NXPH2: variants seen among roughly 807,000 people sequenced by gnomAD.
NXPH2 encodes neurexophilin-2.
A neutral mutation model predicts 19.8 loss-of-function variants in NXPH2; 5 were observed. The ratio of observed to expected loss-of-function variants is 0.25; its 90% confidence interval spans 0.13 to 0.53. The LOEUF is 0.53. Ranked by LOEUF, NXPH2 falls within the 20% of genes least tolerant of loss-of-function variation. NXPH2 has a pLI of 0.96. For missense variants in NXPH2, 289 were observed against 322.8 expected (o/e 0.90, Z 0.80); for synonymous variants, 154 against 127.4 (o/e 1.21, Z -1.41).
intron 1 of NXPH2, 70 bp downstream of exon 1, chr2:138,780,121 G>C (rs2104848714): frequency 7.1e-7 from 1 of 1,417,486 alleles, no homozygotes; most frequent in Middle Eastern, 1.8e-4. Flanking sequence ...CTCCAAGTCA[G>C]CCGCCTGCGC....
chr2:138,694,603 G>A (rs1426257170), intron 1 of NXPH2, among the ~76,000 whole-genome samples: 1 of 152,108 alleles, frequency 6.6e-6, no homozygotes, highest in Non-Finnish European at 1.5e-5. Flanking sequence ...CCAACACCTG[G>A]ATTTCAAACT....
chr2:138,765,854 T>A (rs1682081042), intron 1 of NXPH2, among the ~76,000 whole-genome samples: 2 of 152,240 alleles, frequency 1.3e-5, no homozygotes, highest in Admixed American at 1.3e-4. Context: ...ACGTTTTTAT[T>A]AACCAACCAA....
At chr2:138,779,058 T>G (rs186272151) in intron 1 of NXPH2, among the ~76,000 whole-genome samples, 196 of 152,268 alleles carry the variant, frequency 1.3e-3, no homozygotes, top group Non-Finnish European at 2.1e-3. Flanking sequence ...TCATAAACTT[T>G]CAAAGTTACT....
At chr2:138,779,327 A>G (rs1682312925) in intron 1 of NXPH2, among the ~76,000 whole-genome samples, 1 of 152,194 alleles carries the variant, frequency 6.6e-6, no homozygotes, top group South Asian at 2.1e-4. Flanking sequence ...TTTCTTCTTG[A>G]AGATCTTACT....
intron 1 of NXPH2, among the ~76,000 whole-genome samples, chr2:138,777,641 T>C (rs1227601905): frequency 1.3e-5 from 2 of 151,890 alleles, no homozygotes; most frequent in Non-Finnish European, 2.9e-5. Flanking sequence ...CTCAATTCCC[T>C]GTGACTGCTT....
At chr2:138,688,586 A>G (rs145144474) in intron 1 of NXPH2, among the ~76,000 whole-genome samples, 2 of 152,220 alleles carry the variant, frequency 1.3e-5, no homozygotes, top group Non-Finnish European at 2.9e-5. Context: ...CTTTTGTAGA[A>G]TTCCATTATA....
intron 1 of NXPH2, among the ~76,000 whole-genome samples, chr2:138,721,340 A>G (rs1345881885): frequency 6.9e-6 from 1 of 145,648 alleles, no homozygotes; most frequent in Non-Finnish European, 1.5e-5. Context: ...ACTCCGTCTG[A>G]AAAAAAAAAA....
At chr2:138,676,921 C>T (rs1428292142) in intron 1 of NXPH2, among the ~76,000 whole-genome samples, 1 of 152,186 alleles carries the variant, frequency 6.6e-6, no homozygotes, top group Non-Finnish European at 1.5e-5. Flanking sequence ...TGAGTCACAT[C>T]CAAATCCCAG....
intron 1 of NXPH2, among the ~76,000 whole-genome samples, chr2:138,732,973 C>T (rs1274776500): frequency 6.6e-6 from 1 of 152,184 alleles, no homozygotes; most frequent in Non-Finnish European, 1.5e-5. Flanking sequence ...ATATATTTCC[C>T]TCATTTTCAT....
At chr2:138,705,863 C>T (rs1681001139) in intron 1 of NXPH2, among the ~76,000 whole-genome samples, 2 of 152,166 alleles carry the variant, frequency 1.3e-5, no homozygotes, top group African/African-American at 4.8e-5. Context: ...CCTCTTCGGA[C>T]CAAATGCCTC....
In NXPH2 at chr2:138,678,611, A is replaced by C. The variant is rs191339568; in HGVS notation, c.52-6946T>G. Among the ~76,000 whole-genome samples the C allele has an allele frequency of 4.0e-3, 602 of 152,224 alleles. 2 individuals are homozygous for C. Among genetic ancestry groups the C allele is most frequent in the Non-Finnish European group, 7.7e-3 (525 of 68,020 alleles). On this transcript the variant is annotated intron_variant, in intron 1 of 1. Transcript: ENST00000272641. ...CAGACTATTTCTAAATTATCCTGGC[A>C]ATTTTACATGTTGTTAATGTGTCTG...
intron 1 of NXPH2, among the ~76,000 whole-genome samples, chr2:138,723,160 A>G (rs1399559520): frequency 1.3e-5 from 2 of 151,600 alleles, no homozygotes; most frequent in East Asian, 2.0e-4. Context: ...ACACAAACAG[A>G]CAAGCAAGCA....
intron 1 of NXPH2, among the ~76,000 whole-genome samples, chr2:138,764,556 A>T (rs1573982659): frequency 1.3e-5 from 2 of 152,354 alleles, no homozygotes; most frequent in East Asian, 3.9e-4. Flanking sequence ...TAGGACAGCA[A>T]TGGTGAAACA....
intron 1 of NXPH2, among the ~76,000 whole-genome samples, chr2:138,691,018 T>C (rs1680737425): frequency 6.6e-6 from 1 of 151,136 alleles, no homozygotes; most frequent in African/African-American, 2.4e-5. Flanking sequence ...AAGGGAAGAG[T>C]GTTGTGGGCA....
intron 1 of NXPH2, among the ~76,000 whole-genome samples, chr2:138,744,928 A>G (rs796416367): frequency 1.3e-5 from 2 of 152,220 alleles, no homozygotes; most frequent in Admixed American, 6.5e-5. Flanking sequence ...TGGAGAGTGC[A>G]GGACTCTTAG....
At chr2:138,777,283 A>G (rs959501763) in intron 1 of NXPH2, among the ~76,000 whole-genome samples, 23 of 152,142 alleles carry the variant, frequency 1.5e-4, no homozygotes, top group African/African-American at 5.1e-4. Flanking sequence ...AAAAGATATA[A>G]CATGCTCTTA....
intron 1 of NXPH2, among the ~76,000 whole-genome samples, chr2:138,753,995 T>C (rs1049799541): frequency 2.0e-5 from 3 of 151,956 alleles, no homozygotes; most frequent in Non-Finnish European, 4.4e-5. Context: ...GTTATTTCAA[T>C]TTTTTTTGTT....
intron 1 of NXPH2, among the ~76,000 whole-genome samples, chr2:138,705,139 T>G (rs1265896024): frequency 6.6e-6 from 1 of 152,004 alleles, no homozygotes; most frequent in African/African-American, 2.4e-5. Context: ...TTAAAAAAAT[T>G]TTTTTGTAGA....
At chr2:138,721,849 G>C (rs1681283836) in intron 1 of NXPH2, among the ~76,000 whole-genome samples, 1 of 152,192 alleles carries the variant, frequency 6.6e-6, no homozygotes, top group Non-Finnish European at 1.5e-5. Context: ...AAGTTTGCAG[G>C]ATTTAGATGC....
Sources: allele counts gnomAD v4.1 joint callset (sites outside exome capture counted in the v4.1 genomes callset), GRCh38; gene constraint gnomAD v4.1.1; transcripts MANE v1.5; gene names NCBI Gene and HGNC (gene_info 2026-07-23, HGNC 2026-07-21).